The following CCDC38 variants were observed in gnomAD, a reference collection of about 807,000 sequenced individuals.
CCDC38 encodes coiled-coil domain containing 38, also known as coiled-coil domain-containing protein 38.
In CCDC38, 69 loss-of-function variants were observed where a neutral mutation model predicts 72.8. That is an observed-to-expected ratio of 0.95 (90% confidence interval 0.78 to 1.16). The LOEUF (loss-of-function observed/expected upper bound fraction) is 1.16. Among genes scored for constraint, CCDC38 ranks in the 50% most tolerant of loss-of-function variants. CCDC38 has a pLI of 0.00. For synonymous variants in CCDC38, 201 were observed against 213.2 expected (o/e 0.94, Z 0.50); for missense variants, 626 against 638.9 (o/e 0.98, Z 0.22).
At chr12:95,933,753 G>T (rs1388767835) in intron 2 of CCDC38, 4 of 152,194 alleles carry the variant, frequency 2.6e-5, no homozygotes, top group African/African-American at 9.7e-5. Flanking sequence ...CCATTTAGTA[G>T]CAATAAGCTG....
At chr12:95,927,493 A>G (rs1475711645) in intron 2 of CCDC38, among the ~76,000 whole-genome samples, 1 of 150,966 alleles carries the variant, frequency 6.6e-6, no homozygotes, top group African/African-American at 2.4e-5. Context: ...TCTTTATCCA[A>G]TTTGCCAGTC....
chr12:95,939,222 G>C (rs778709482), intron 1 of CCDC38, among the ~76,000 whole-genome samples: 2 of 152,194 alleles, frequency 1.3e-5, no homozygotes, highest in Non-Finnish European at 2.9e-5. Context: ...AATGTGCCTG[G>C]TGTGTTTCAG....
chr12:95,891,429 T>C (rs1227852581), intron 8 of CCDC38, among the ~76,000 whole-genome samples: 1 of 152,208 alleles, frequency 6.6e-6, no homozygotes, highest in Non-Finnish European at 1.5e-5. Context: ...CACTGCAGCC[T>C]TGACCTCCTG....
chr12:95,893,811 G>A (rs1391916342), intron 8 of CCDC38, among the ~76,000 whole-genome samples: 1 of 151,558 alleles, frequency 6.6e-6, no homozygotes, highest in African/African-American at 2.4e-5. Context: ...AATAAAGTTA[G>A]TTTACTTAGG....
At chr12:95,936,578 A>T (rs1374947089) in intron 1 of CCDC38, 55 bp from the exon 2 acceptor site, 7 of 1,459,888 alleles carry the variant, frequency 4.8e-6, no homozygotes, top group Non-Finnish European at 2.9e-6. Flanking sequence ...ATCATATAAA[A>T]GGGCTAAATT....
intron 4 of CCDC38, among the ~76,000 whole-genome samples, chr12:95,913,771 G>C (rs1013243182): frequency 2.0e-5 from 3 of 151,476 alleles, no homozygotes; most frequent in African/African-American, 7.3e-5. Flanking sequence ...ATTTCTCAAG[G>C]TTAATAATGG....
chr12:95,931,862 A>G (rs980042699), intron 2 of CCDC38, among the ~76,000 whole-genome samples: 1 of 152,212 alleles, frequency 6.6e-6, no homozygotes, highest in East Asian at 1.9e-4. Flanking sequence ...TCATTGATCA[A>G]GTGGTATTTA....
At chr12:95,918,054 A>C (rs1352133811) in intron 3 of CCDC38, among the ~76,000 whole-genome samples, 2 of 152,186 alleles carry the variant, frequency 1.3e-5, no homozygotes, top group Non-Finnish European at 2.9e-5. Context: ...ATACAGATGA[A>C]TCTGTTGTTG....
intron 14 of CCDC38, among the ~76,000 whole-genome samples, chr12:95,870,060 G>T (rs1050570888): frequency 6.6e-6 from 1 of 152,136 alleles, no homozygotes; most frequent in African/African-American, 2.4e-5. Flanking sequence ...CTGACCTCGT[G>T]ATCTGCCCAC....
chr12:95,919,073 A>G, intron 2 of CCDC38, 97 bp from the exon 3 acceptor site: 1 of 752,178 alleles, frequency 1.3e-6, no homozygotes, highest in Non-Finnish European at 2.3e-6. Context: ...AATGAATGGG[A>G]TGCAGGGATC....
rs1467300476 is a variant in CCDC38, at chr12:95,892,338, G to A, written c.773-1408C>T. ...CTCGTTCTGTTGCCCAGGCTGGAGC[G>A]CAGTGGCATGATCATGGCTCACTGC... On this transcript the variant is annotated intron_variant, in intron 8 of 15. Transcript: ENST00000344280. Among the ~76,000 whole-genome samples the A allele has an allele frequency of 5.0e-5, 7 of 140,474 alleles. No individual in the cohort carries two copies. The South Asian group carries it at 1.1e-3, about 23-fold the overall frequency. 92.2% of individuals were successfully genotyped at this position (140,474 alleles called of 152,430 possible). A position where few individuals can be genotyped will look rare whatever the true frequency, so the allele number is the denominator to read the frequency against.
intron 5 of CCDC38, among the ~76,000 whole-genome samples, chr12:95,902,153 T>G (rs2079956880): frequency 6.6e-6 from 1 of 152,134 alleles, no homozygotes; most frequent in African/African-American, 2.4e-5. Flanking sequence ...GAGGGAAAAA[T>G]AATAATTAGA....
chr12:95,885,461 T>G (rs1264485489), intron 10 of CCDC38: 1 of 180,114 alleles, frequency 5.6e-6, no homozygotes, highest in East Asian at 1.3e-4. Flanking sequence ...GTAACAAGAC[T>G]GTTGCCATTT....
rs1364712599 is a variant in CCDC38, at chr12:95,936,521, G to A, written c.-12C>T. 6.2e-7 allele frequency: 1 copy of A among 1,600,148 alleles called. No homozygotes were observed. The highest frequency in any genetic ancestry group is 2.2e-5 in the East Asian group (1 of 44,446). On this transcript the variant is annotated splice_region_variant and 5_prime_UTR_variant, in exon 2 of 16. Transcript: ENST00000344280. ...AAATTTGAGGACATTTTCTTGCCTG[G>A]CCCTGTTGAAAGAAAAAAAAATACG... is the stretch of plus-strand genomic sequence containing the variant.
upstream of CCDC38, chr12:95,943,079 C>T (rs981336493): frequency 6.8e-6 from 2 of 292,644 alleles, no homozygotes; most frequent in South Asian, 6.1e-5. Flanking sequence ...TCACTTTGAT[C>T]TCTCGGGGTG....
chr12:95,874,220 G>A (rs2079612038), intron 13 of CCDC38, among the ~76,000 whole-genome samples: 2 of 152,116 alleles, frequency 1.3e-5, no homozygotes, highest in South Asian at 4.1e-4. Flanking sequence ...ACTAAATAAA[G>A]CACAGAAAAA....
rs2121456461 is a variant in CCDC38, at chr12:95,890,882, C to T, written c.821G>A (p.Gly274Glu). The T allele has an allele frequency of 6.2e-7, 1 of 1,607,364 alleles. No individual in the cohort carries two copies. Among genetic ancestry groups the T allele is most frequent in the Non-Finnish European group, 8.5e-7 (1 of 1,175,534 alleles). Residue 274 changes from glycine (G) to glutamate (E), a missense_variant, in exon 9 of 16, where the codon GGG becomes GAG. Transcript: ENST00000344280. ...ATCTTCTGAAAGGACAGCTGTCCTC[C>T]CGGACTCCTCAAGGATGCCTTCCTT... ...SNKEGILEES[G>E]RTAVLSEDAS...
chr12:95,878,403 A>G (rs2079660611), intron 12 of CCDC38, 57 bp from the exon 13 acceptor site: 1 of 1,543,216 alleles, frequency 6.5e-7, no homozygotes, highest in African/African-American at 1.4e-5. Context: ...TGAAATAACC[A>G]TCAGTCAGGA....
At chr12:95,925,066 A>G (rs1329959979) in intron 2 of CCDC38, among the ~76,000 whole-genome samples, 2 of 150,414 alleles carry the variant, frequency 1.3e-5, no homozygotes, top group African/African-American at 4.9e-5. Context: ...GTTTTTTCCA[A>G]TTCTGTGAAG....
Sources: allele counts gnomAD v4.1 joint callset (sites outside exome capture counted in the v4.1 genomes callset), GRCh38; gene constraint gnomAD v4.1.1; transcripts MANE v1.5; gene names NCBI Gene and HGNC (gene_info 2026-07-23, HGNC 2026-07-21).